Variants in SEC31A observed in about 807,000 individuals in gnomAD.
The protein encoded by SEC31A is SEC31 homolog A, COPII component, also known as protein transport protein Sec31A.
SEC31A carries 70 observed loss-of-function variants against 151.0 expected under a neutral mutation model. The ratio of observed to expected loss-of-function variants is 0.46; its 90% confidence interval spans 0.38 to 0.57. The LOEUF (loss-of-function observed/expected upper bound fraction) is 0.57, where lower values mean the gene tolerates loss of function less well. Ranked by LOEUF, SEC31A falls within the 20% of genes least tolerant of loss-of-function variation. The pLI is 0.00. For missense variants in SEC31A, 1,330 were observed against 1,471.2 expected (o/e 0.90, Z 1.57); for synonymous variants, 475 against 505.9 (o/e 0.94, Z 0.82).
chr4:82,844,581 C>T, intron 20 of SEC31A, 72 bp from the exon 21 acceptor site: 1 of 1,429,364 alleles, frequency 7.0e-7, no homozygotes. Context: ...GAATTACAAT[C>T]TCTGAAATGG....
intron 3 of SEC31A, among the ~76,000 whole-genome samples, chr4:82,898,879 A>T (rs534334359): frequency 6.6e-6 from 1 of 152,354 alleles, no homozygotes; most frequent in African/African-American, 2.4e-5. Flanking sequence ...TTAGGTGTGT[A>T]ATCAGGAAAA....
At chr4:82,872,119 C>G in intron 6 of SEC31A, 33 bp from the exon 7 acceptor site, 1 of 1,551,908 alleles carries the variant, frequency 6.4e-7, no homozygotes, top group African/African-American at 1.4e-5. Context: ...TTTTATGAAT[C>G]AAATTACTTT....
chr4:82,891,206 G>GGCAGCC (rs1338657470), upstream of SEC31A: 111 of 1,527,914 alleles, frequency 7.3e-5, 1 homozygote, highest in South Asian at 6.5e-4. Context: ...GTTCCAACGT[G>GGCAGCC]GCAGCCGCAG....
In SEC31A at chr4:82,844,403, G is replaced by A; in HGVS notation, c.2609C>T (p.Pro870Leu). The change falls in exon 21 of 27, where the codon CCT becomes CTT. Residue 870 changes from proline (P) to leucine (L), a missense_variant. Pro to Leu is a moderately conservative substitution (Grantham distance 98, BLOSUM62 -3). Coordinates refer to ENST00000395310, the MANE Select transcript of SEC31A (RefSeq NM_001077207.4). ...SPGHMHTQVPPYPQPQPYQPA... is the reference protein window; with the variant it reads ...SPGHMHTQVPLYPQPQPYQPA... ...CTACTTACGCTGTGGCTGTGGATAAGGTGGTACCTGGGTGTGCATATGACC... is the reference window on the plus strand; with the variant it reads ...CTACTTACGCTGTGGCTGTGGATAAAGTGGTACCTGGGTGTGCATATGACC... The A allele has an allele frequency of 6.2e-7, 1 of 1,614,138 alleles. No homozygotes were observed. The highest frequency in any genetic ancestry group is 8.5e-7 in the Non-Finnish European group (1 of 1,180,002).
chr4:82,888,643 C>A (rs1578415130), intron 1 of SEC31A, among the ~76,000 whole-genome samples: 1 of 151,394 alleles, frequency 6.6e-6, no homozygotes, highest in Non-Finnish European at 1.5e-5. Context: ...GAGCCGAGAT[C>A]GCGCCAATGT....
intron 10 of SEC31A, among the ~76,000 whole-genome samples, 159 bp from the exon 11 acceptor site, chr4:82,864,757 A>G (rs1008069264): frequency 6.6e-6 from 1 of 151,938 alleles, no homozygotes; most frequent in African/African-American, 2.4e-5. Flanking sequence ...TCTAGATGAA[A>G]TGTACTTTTT....
intron 1 of SEC31A, among the ~76,000 whole-genome samples, chr4:82,882,607 G>A (rs891823169): frequency 2.0e-5 from 3 of 152,112 alleles, no homozygotes; most frequent in Middle Eastern, 3.4e-3. Context: ...AAAACATTAC[G>A]GGTAAGAGCA....
intron 1 of SEC31A, among the ~76,000 whole-genome samples, chr4:82,888,643 C>T (rs1578415130): frequency 6.6e-6 from 1 of 151,278 alleles, no homozygotes; most frequent in African/African-American, 2.4e-5. Flanking sequence ...GAGCCGAGAT[C>T]GCGCCAATGT....
At chr4:82,835,643 A>C (rs2149121368) in intron 22 of SEC31A, among the ~76,000 whole-genome samples, 1 of 152,232 alleles carries the variant, frequency 6.6e-6, no homozygotes. Flanking sequence ...TAAAACGCAA[A>C]AATTAGCTGG....
chr4:82,861,880 C>G (rs1230282745), intron 13 of SEC31A, 172 bp from the exon 14 acceptor site: 2 of 261,644 alleles, frequency 7.6e-6, no homozygotes, highest in African/African-American at 4.8e-5. Flanking sequence ...AAGCAAAGAA[C>G]TATTACTGCT....
At chr4:82,880,318 G>GA (rs1203054318) in intron 3 of SEC31A, among the ~76,000 whole-genome samples, 1 of 152,168 alleles carries the variant, frequency 6.6e-6, no homozygotes, top group East Asian at 1.9e-4. Context: ...GGCCAAGCGT[G>GA]ATTCCTCATG....
intron 19 of SEC31A, among the ~76,000 whole-genome samples, chr4:82,850,798 T>G (rs1231780666): frequency 6.6e-6 from 1 of 152,212 alleles, no homozygotes; most frequent in Non-Finnish European, 1.5e-5. Flanking sequence ...CATAGCCAAA[T>G]TGAGTTTGGA....
At position 82,839,927 on chromosome 4, in the gene SEC31A, A is replaced by G. The variant is rs112922831; in HGVS notation, c.2968+2213T>C. On this transcript the variant is annotated intron_variant, in intron 22 of 26. Transcript: ENST00000395310. ...AAAAGAATATCTATGCAAACATTTA[A>G]TTTAGATTATAAAGTAACAAATGCC... Among the ~76,000 whole-genome samples the G allele has an allele frequency of 9.2e-3, 1,406 of 152,340 alleles. 25 individuals are homozygous for G. Among genetic ancestry groups the G allele is most frequent in the African/African-American group, 0.032 (1,332 of 41,576 alleles).
rs572565776 is a variant in SEC31A, at chr4:82,885,816, T to C, written c.-4-3876A>G. 2.3e-3 allele frequency among the ~76,000 whole-genome samples: 345 copies of C among 152,212 alleles called. 2 individuals are homozygous for C. Among genetic ancestry groups the C allele is most frequent in the Non-Finnish European group, 3.3e-3 (225 of 68,026 alleles). ...TTCCTCATTCTCACTTTTGTTCCAGTCTCAGTCCTGCAGTTAAAATGCATA... is the reference window on the plus strand; with the variant it reads ...TTCCTCATTCTCACTTTTGTTCCAGCCTCAGTCCTGCAGTTAAAATGCATA... On this transcript the variant is annotated intron_variant, in intron 1 of 26. Coordinates refer to ENST00000395310, the MANE Select transcript of SEC31A (RefSeq NM_001077207.4).
At chr4:82,850,868 T>C (rs542843174) in intron 19 of SEC31A, among the ~76,000 whole-genome samples, 92 of 152,318 alleles carry the variant, frequency 6.0e-4, no homozygotes, top group African/African-American at 2.1e-3. Flanking sequence ...ACTTGTTGAA[T>C]TGAATTGAAA....
intron 17 of SEC31A, 34 bp downstream of exon 17, chr4:82,854,869 G>A (rs953384262): frequency 1.9e-6 from 3 of 1,571,134 alleles, no homozygotes; most frequent in African/African-American, 1.4e-5. Flanking sequence ...TGCCACGTAT[G>A]TAAATGCAGT....
intron 1 of SEC31A, among the ~76,000 whole-genome samples, chr4:82,888,972 C>T (rs552423872): frequency 5.9e-5 from 9 of 152,290 alleles, no homozygotes; most frequent in African/African-American, 1.9e-4. Flanking sequence ...CTTGGATTCC[C>T]AAACCAGGTA....
chr4:82,879,925 C>T (rs1365565219), intron 3 of SEC31A, among the ~76,000 whole-genome samples: 2 of 152,160 alleles, frequency 1.3e-5, no homozygotes, highest in Non-Finnish European at 2.9e-5. Context: ...AGCTACCATT[C>T]AGAGATAATC....
Position 82,863,335 on chromosome 4 carries a change from C to T in SEC31A, c.1492G>A (p.Glu498Lys). Residue 498 changes from glutamate (E) to lysine (K), a missense_variant, in exon 12 of 27, where the codon GAA becomes AAA. Transcript: ENST00000395310. ...KYLELLGYRK[E>K]DLGKKIALAL... The stretch of plus-strand genomic sequence containing the variant: ...AAGTTTACCTTCTTTCCTAGATCTT[C>T]TTTTCTGTATCCTAGAAGTTCAAGG... 6.3e-7 allele frequency: 1 copy of T among 1,579,492 alleles called. No individual in the cohort carries two copies. Among genetic ancestry groups the T allele is most frequent in the Middle Eastern group, 1.7e-4 (1 of 5,990 alleles).
Sources: allele counts gnomAD v4.1 joint callset (sites outside exome capture counted in the v4.1 genomes callset), GRCh38; gene constraint gnomAD v4.1.1; transcripts MANE v1.5; gene names NCBI Gene and HGNC (gene_info 2026-07-23, HGNC 2026-07-21).